ZNF717: variants seen among roughly 807,000 people sequenced by gnomAD.
The protein encoded by ZNF717 is zinc finger protein 717.
A neutral mutation model predicts 13.8 loss-of-function variants in ZNF717; 9 were observed. The ratio of observed to expected loss-of-function variants is 0.65; its 90% CI spans 0.39 to 1.14. The LOEUF (loss-of-function observed/expected upper bound fraction) is 1.14. Among genes scored for constraint, ZNF717 ranks in the 50% most tolerant of loss-of-function variants. The pLI is 0.01. For synonymous variants in ZNF717, 327 were observed against 364.1 expected, an observed-to-expected ratio of 0.90 and a Z score of 1.16; for missense variants, 1,040 against 1,080.7, an observed-to-expected ratio of 0.96 and a Z score of 0.53.
chr3:75,732,252 T>A, downstream of ZNF717: 2 of 631,728 alleles, frequency 3.2e-6, no homozygotes, highest in Non-Finnish European at 5.6e-6. Context: ...CTAAATGACC[T>A]GCTGGAAGGG....
At chr3:75,732,752 C>A (rs1938688494), downstream of ZNF717, among the ~76,000 whole-genome samples, 1 of 152,272 alleles carries the variant, frequency 6.6e-6, no homozygotes, top group Non-Finnish European at 1.5e-5. Context: ...AGCTTCCCCT[C>A]CCCTCCACAG....
chr3:75,763,191 C>G (rs576158863), intron 2 of ZNF717, among the ~76,000 whole-genome samples: 5 of 152,172 alleles, frequency 3.3e-5, no homozygotes, highest in African/African-American at 9.6e-5. Context: ...ACATATCAAA[C>G]CTAAAAGTTT....
downstream of ZNF717, among the ~76,000 whole-genome samples, chr3:75,708,753 C>T (rs1306488458): frequency 6.6e-6 from 1 of 152,060 alleles, no homozygotes; most frequent in East Asian, 1.9e-4. Flanking sequence ...CTAGAATAGC[C>T]AATACAGAGA....
At chr3:75,722,877 C>T (rs1575723092) in intron 4 of ZNF717, among the ~76,000 whole-genome samples, 1 of 148,118 alleles carries the variant, frequency 6.8e-6, no homozygotes. Flanking sequence ...CAAAGAAATG[C>T]TTTATTCAGG....
At chr3:75,724,423 T>C (rs1938235012) in intron 4 of ZNF717, among the ~76,000 whole-genome samples, 1 of 150,206 alleles carries the variant, frequency 6.7e-6, no homozygotes, top group East Asian at 2.0e-4. Flanking sequence ...TAATATTTTT[T>C]GTAGAGATGG....
In ZNF717 at chr3:75,737,851, T is replaced by A. The variant is rs773327801; in HGVS notation, c.1772A>T (p.Tyr591Phe). Residue 591 changes from tyrosine to phenylalanine, a missense_variant, in exon 5 of 5, where the codon TAT becomes TTT. This residue lies in a region of ZNF717 where 873 missense variants were observed against 832.8 expected (regional missense o/e 1.05). Coordinates refer to ENST00000652011, the MANE Select transcript of ZNF717 (RefSeq NM_001290208.3). ...HQRTHAGKKP[Y>F]ECNECEKTFI... ...GGTTTTCTCACATTCATTACATTCA[T>A]AGGGTTTTTTGCCAGCATGAGTTCT... is the stretch of plus-strand genomic sequence containing the variant. The A allele has an allele frequency of 5.2e-6, 8 of 1,551,204 alleles. No individual in the cohort carries two copies. In the East Asian group the frequency reaches 2.0e-4, roughly 38 times the overall value.
chr3:75,779,443 AC>A (rs1468756930), intron 2 of ZNF717, among the ~76,000 whole-genome samples: 8 of 147,094 alleles, frequency 5.4e-5, no homozygotes, highest in Non-Finnish European at 1.2e-4. Flanking sequence ...ATGTGCTAAA[AC>A]CGGAACCCAA....
intron 1 of ZNF717, among the ~76,000 whole-genome samples, chr3:75,784,497 C>A (rs1945030988): frequency 6.6e-6 from 1 of 152,146 alleles, no homozygotes; most frequent in South Asian, 2.1e-4. Flanking sequence ...TTTAATATAT[C>A]TCAAACGCTG....
At chr3:75,783,253 TA>T in intron 2 of ZNF717, 52 bp downstream of exon 2, 1 of 1,391,522 alleles carries the variant, frequency 7.2e-7, no homozygotes, top group South Asian at 1.2e-5. Context: ...CAGACACCCA[TA>T]AACTCAGAAA....
intron 2 of ZNF717, among the ~76,000 whole-genome samples, chr3:75,767,647 G>T (rs1467021631): frequency 6.6e-6 from 1 of 151,884 alleles, no homozygotes; most frequent in Non-Finnish European, 1.5e-5. Context: ...CTGAGGGACT[G>T]TGGGAAAACT....
At chr3:75,772,053 G>A (rs1468554690) in intron 2 of ZNF717, among the ~76,000 whole-genome samples, 4 of 152,240 alleles carry the variant, frequency 2.6e-5, no homozygotes. Flanking sequence ...GGAGGTTGAG[G>A]TGGGGCTAAG....
At chr3:75,784,920 AG>A (rs1285658995) in intron 1 of ZNF717, 1 of 152,146 alleles carries the variant, frequency 6.6e-6, no homozygotes, top group African/African-American at 2.4e-5. Flanking sequence ...AGTACCCTTA[AG>A]GCTGAAGACC....
In ZNF717 at chr3:75,738,223, C is replaced by T. The variant is rs1351946644; in HGVS notation, c.1400G>A (p.Arg467Lys). 1.3e-6 allele frequency: 2 copies of T among 1,545,762 alleles called. No homozygotes were observed. The highest frequency in any genetic ancestry group is 2.4e-5 in the South Asian group (2 of 83,970). Residue 467 changes from arginine to lysine, a missense_variant, in exon 5 of 5, where the codon AGG (arginine) becomes AAG (lysine). Physicochemically the swap from Arg to Lys is conservative, Grantham distance 26. Around this residue, in one of 3 missense-constraint regions of ZNF717, gnomAD observed 873 missense variants for 832.8 expected, o/e 1.05. Coordinates refer to ENST00000652011, the MANE Select transcript of ZNF717 (RefSeq NM_001290208.3). Reference sequence around the variant, plus strand: ...CCCTGTGTGAGTTCTCTGATGTAACCTGAGGTTTGACTTATTGATAAAGGG... The same window carrying T: ...CCCTGTGTGAGTTCTCTGATGTAACTTGAGGTTTGACTTATTGATAAAGGG... ...GKPFINKSNL[R>K]LHQRTHTGEK...
downstream of ZNF717, among the ~76,000 whole-genome samples, chr3:75,725,477 C>T (rs1938260886): frequency 6.6e-6 from 1 of 152,244 alleles, no homozygotes; most frequent in South Asian, 2.1e-4. Context: ...GTAGCCATCA[C>T]CCATAATCTG....
chr3:75,775,649 G>GT (rs567679430), intron 2 of ZNF717, among the ~76,000 whole-genome samples: 58 of 152,250 alleles, frequency 3.8e-4, no homozygotes, highest in African/African-American at 1.4e-3. Flanking sequence ...CAGGTCAGGA[G>GT]TTTGAGACCA....
chr3:75,706,480 C>T (rs141174265), downstream of ZNF717, among the ~76,000 whole-genome samples: 9,211 of 99,454 alleles, frequency 0.093, 1 homozygote, highest in East Asian at 0.25. Flanking sequence ...TAGCTGCAGC[C>T]TTGTGCTCTC....
At chr3:75,712,589 G>A (rs1255926035) in intron 5 of ZNF717, among the ~76,000 whole-genome samples, 1 of 152,068 alleles carries the variant, frequency 6.6e-6, no homozygotes, top group Non-Finnish European at 1.5e-5. Context: ...TGACATTCTT[G>A]GGCTTTCCAC....
Position 75,735,941 on chromosome 3 carries a change from T to C in ZNF717, c.*937A>G, listed in dbSNP as rs1274323099. Reference sequence around the variant, plus strand: ...AAATTAAAGATTTGTGGCCACGAAGTGCTCAGCAAGCCTGACCAGCACCAT... The same window carrying C: ...AAATTAAAGATTTGTGGCCACGAAGCGCTCAGCAAGCCTGACCAGCACCAT... On this transcript the variant is annotated 3_prime_UTR_variant, in exon 5 of 5. Coordinates refer to ENST00000652011, the MANE Select transcript of ZNF717 (RefSeq NM_001290208.3). The C allele has an allele frequency of 6.6e-6, 1 of 152,182 alleles. No homozygotes were observed. The highest frequency in any genetic ancestry group is 1.5e-5 in the Non-Finnish European group (1 of 68,046). The allele number at this position is 152,182 out of a possible 1,614,324, so 9.4% of individuals were successfully genotyped here.
intron 2 of ZNF717, among the ~76,000 whole-genome samples, chr3:75,750,967 GGTCTGAAAGTTT>G (rs1941728433): frequency 1.1e-4 from 16 of 145,906 alleles, no homozygotes; most frequent in Non-Finnish European, 2.1e-4. Flanking sequence ...CTCCTACTGT[GGTCTGAAAGTTT>G]GTCCCTCACA....
Sources: gnomAD v4.1 joint callset for allele counts (sites outside exome capture counted in the v4.1 genomes callset) on GRCh38, gnomAD v4.1.1 for gene constraint, gnomAD v4.1.1 regional missense constraint, MANE v1.5 for transcripts, NCBI Gene and HGNC (gene_info 2026-07-23, HGNC 2026-07-21) for gene names.